NALF1: variants seen among roughly 807,000 people sequenced by gnomAD.
NALF1 encodes NALCN channel auxiliary factor 1, also known as family with sequence similarity 155 member A.
NALF1 carries 3 observed loss-of-function variants against 48.4 expected under a neutral mutation model. The observed-to-expected ratio is 0.06, with a 90% CI of 0.03 to 0.16. NALF1 has a LOEUF of 0.16. Ranked by LOEUF, NALF1 falls within the 10% of genes least tolerant of loss-of-function variation. NALF1 has a pLI of 1.00. For synonymous variants in NALF1, 262 were observed against 245.7 expected (o/e 1.07, Z -0.62); for missense variants, 526 against 571.5 (o/e 0.92, Z 0.81).
At chr13:107,298,567 G>T (rs1467473029) in intron 1 of NALF1, among the ~76,000 whole-genome samples, 3 of 151,850 alleles carry the variant, frequency 2.0e-5, no homozygotes, top group Admixed American at 2.0e-4. Context: ...GAGTAGCTGG[G>T]ATTACAGGCA....
At chr13:107,381,639 C>A (rs181063804) in intron 1 of NALF1, among the ~76,000 whole-genome samples, 184 of 151,834 alleles carry the variant, frequency 1.2e-3, no homozygotes, top group Non-Finnish European at 2.0e-3. Context: ...ACGTTGGGGA[C>A]TCCTGAATAA....
intron 1 of NALF1, among the ~76,000 whole-genome samples, chr13:107,741,036 A>G (rs993224807): frequency 5.3e-5 from 8 of 152,244 alleles, no homozygotes; most frequent in African/African-American, 1.2e-4. Flanking sequence ...GTCCTACTAC[A>G]TACCAGGAAT....
In NALF1 at chr13:107,337,043, CAAAAAAAAAAAAAAAAA is replaced by C. The variant is rs60969406; in HGVS notation, c.916-126305_916-126289del. ...AAATAAAATATATTCTTTCATTCCC[CAAAAAAAAAAAAAAAAA>C]AAAAAAAAAAAAAAAAATGTCAGAA... On this transcript the variant is annotated intron_variant, in intron 1 of 2. Coordinates refer to ENST00000375915, the MANE Select transcript of NALF1 (RefSeq NM_001080396.3). Among the ~76,000 whole-genome samples, 210 of 114,830 alleles carry C rather than the reference CAAAAAAAAAAAAAAAAA, an allele frequency of 1.8e-3. 3 individuals are homozygous for C. The highest frequency in any genetic ancestry group is 5.8e-3 in the African/African-American group (146 of 25,280). The allele number at this position is 114,830 out of a possible 152,430, so 75.3% of individuals were successfully genotyped here.
intron 1 of NALF1, among the ~76,000 whole-genome samples, chr13:107,384,253 A>AAAAAC (rs529162085): frequency 0.034 from 5,145 of 151,930 alleles, 130 homozygotes; most frequent in African/African-American, 0.067. Context: ...ATCCTGTCTC[A>AAAAAC]AAAACAAAAC....
chr13:107,366,082 C>T (rs4514534), intron 1 of NALF1, among the ~76,000 whole-genome samples: 149,313 of 152,324 alleles, frequency 0.98, 73,250 homozygotes, highest in East Asian at 1. Flanking sequence ...CAGGTGATGA[C>T]AAATCAGGAT....
intron 1 of NALF1, among the ~76,000 whole-genome samples, chr13:107,323,963 A>G (rs1325069346): frequency 6.6e-6 from 1 of 152,156 alleles, no homozygotes. Context: ...TTGAAAAATT[A>G]GCCGGCATGG....
chr13:107,782,189 G>A lies in NALF1; in HGVS notation c.915+83493C>T, dbSNP rs543472880. On this transcript the variant is annotated intron_variant, in intron 1 of 2. Transcript: ENST00000375915. Reference sequence around the variant, plus strand: ...CTGCCTCAGCCTGCCGAGTGCCTGCGATTGCAGGCGCGTGCCGCCACGCCT... The same window carrying A: ...CTGCCTCAGCCTGCCGAGTGCCTGCAATTGCAGGCGCGTGCCGCCACGCCT... Among the ~76,000 whole-genome samples, 23 of 152,312 alleles carry A rather than the reference G, an allele frequency of 1.5e-4. 1 individual carries two copies. The South Asian group carries it at 3.3e-3, about 22-fold the overall frequency.
rs560257912 is a variant in NALF1, at chr13:107,446,081, G to A, written c.916-235326C>T. Among the ~76,000 whole-genome samples, 3 of 151,950 alleles carry A rather than the reference G, an allele frequency of 2.0e-5. No homozygotes were observed. The South Asian group carries it at 6.2e-4, about 32-fold the overall frequency. On this transcript the variant is annotated intron_variant, in intron 1 of 2. Transcript: ENST00000375915. ...AGCCTCCCGAGTAGTTGGGACCACAGGCACACGCCACCATGCCCAGCTAAT... is the reference window on the plus strand; with the variant it reads ...AGCCTCCCGAGTAGTTGGGACCACAAGCACACGCCACCATGCCCAGCTAAT...
chr13:107,393,592 G>A (rs1883662053), intron 1 of NALF1, among the ~76,000 whole-genome samples: 1 of 152,066 alleles, frequency 6.6e-6, no homozygotes, highest in East Asian at 1.9e-4. Context: ...CCCGCCCATA[G>A]GTTTCTCCCT....
intron 1 of NALF1, among the ~76,000 whole-genome samples, chr13:107,777,555 G>A (rs1005183922): frequency 2.6e-5 from 4 of 152,064 alleles, no homozygotes; most frequent in African/African-American, 7.3e-5. Flanking sequence ...CACCTTCCCC[G>A]CAACTCTTTC....
rs946557817 is a variant in NALF1, at chr13:107,279,203, A to G, written c.916-68448T>C. ...CATCTACTCTGTACTTCCCCTGGACATGGAGGAAGAAATTGCTGCTTCATG... is the reference window on the plus strand; with the variant it reads ...CATCTACTCTGTACTTCCCCTGGACGTGGAGGAAGAAATTGCTGCTTCATG... On this transcript the variant is annotated intron_variant, in intron 1 of 2. Transcript: ENST00000375915. 3.9e-5 allele frequency among the ~76,000 whole-genome samples: 6 copies of G among 152,154 alleles called. No homozygotes were observed. In the South Asian group the frequency reaches 1.2e-3, roughly 32 times the overall value.
At chr13:107,558,674 T>C (rs1399297301) in intron 1 of NALF1, among the ~76,000 whole-genome samples, 5 of 152,166 alleles carry the variant, frequency 3.3e-5, no homozygotes. Context: ...GACTGGCTAA[T>C]GCCCAGATCA....
chr13:107,373,174 C>A (rs1377990299), intron 1 of NALF1, among the ~76,000 whole-genome samples: 1 of 152,126 alleles, frequency 6.6e-6, no homozygotes, highest in Non-Finnish European at 1.5e-5. Flanking sequence ...AATGTTGGGT[C>A]CCTGTTCTCT....
At chr13:107,262,139 G>T (rs1030984054) in intron 1 of NALF1, among the ~76,000 whole-genome samples, 1 of 152,180 alleles carries the variant, frequency 6.6e-6, no homozygotes, top group Non-Finnish European at 1.5e-5. Flanking sequence ...GGAAGGCCAG[G>T]CATGGTGGCT....
intron 1 of NALF1, among the ~76,000 whole-genome samples, chr13:107,262,769 G>GCTCTCTCT (rs1555329321): frequency 0.016 from 2,375 of 144,082 alleles, 62 homozygotes; most frequent in African/African-American, 0.048. Flanking sequence ...ACCCACAGGC[G>GCTCTCTCT]CTCTCTCTCT....
rs142894583 is a variant in NALF1 at position 107,452,772 on chromosome 13, G to A, written c.916-242017C>T. Among the ~76,000 whole-genome samples the A allele has an allele frequency of 4.3e-3, 657 of 152,168 alleles. 4 individuals are homozygous for A. Among genetic ancestry groups the A allele is most frequent in the African/African-American group, 0.015 (630 of 41,492 alleles). ...TTTAAAGTCTCTTCTGAGACCATAA[G>A]CCTTCTGCCTATGAGCCTGTAAAAT... is the stretch of plus-strand genomic sequence containing the variant. On this transcript the variant is annotated intron_variant, in intron 1 of 2. Coordinates refer to ENST00000375915, the MANE Select transcript of NALF1 (RefSeq NM_001080396.3).
intron 1 of NALF1, among the ~76,000 whole-genome samples, chr13:107,267,393 G>A (rs188567674): frequency 2.6e-5 from 4 of 152,238 alleles, no homozygotes; most frequent in African/African-American, 7.2e-5. Context: ...CAGGGAGGTG[G>A]AGGGAAGGAG....
At chr13:107,727,739 G>A (rs142861957) in intron 1 of NALF1, among the ~76,000 whole-genome samples, 1 of 152,114 alleles carries the variant, frequency 6.6e-6, no homozygotes, top group South Asian at 2.1e-4. Flanking sequence ...AGAGTGAACA[G>A]GCAACCTACA....
chr13:107,602,151 C>T (rs889191485), intron 1 of NALF1, among the ~76,000 whole-genome samples: 1 of 152,088 alleles, frequency 6.6e-6, no homozygotes, highest in Non-Finnish European at 1.5e-5. Flanking sequence ...TAAACTCCTA[C>T]GGCTTTAATG....
Sources: gnomAD v4.1 joint callset for allele counts (sites outside exome capture counted in the v4.1 genomes callset) on GRCh38, gnomAD v4.1.1 for gene constraint, MANE v1.5 for transcripts, NCBI Gene and HGNC (gene_info 2026-07-23, HGNC 2026-07-21) for gene names.